Variants in PARD3 observed in about 807,000 individuals in gnomAD.
PARD3 encodes the protein partitioning defective 3 homolog.
Under a neutral mutation model 155.4 loss-of-function variants are expected in PARD3, and 75 were observed. That is an observed-to-expected ratio of 0.48 (90% CI 0.40 to 0.58). The LOEUF is 0.58. PARD3 is among the 20% of genes least tolerant of loss of function. PARD3 has a pLI of 0.00. For missense variants in PARD3, 1,642 were observed against 1,721.7 expected (o/e 0.95, Z 0.82); for synonymous variants, 576 against 610.5 (o/e 0.94, Z 0.83).
chr10:34,730,897 G>A (rs1391110639), intron 1 of PARD3, among the ~76,000 whole-genome samples: 4 of 152,172 alleles, frequency 2.6e-5, no homozygotes, highest in African/African-American at 9.7e-5. Context: ...ATACACACAA[G>A]GAAAGAACCA....
intron 1 of PARD3, among the ~76,000 whole-genome samples, chr10:34,753,925 G>A (rs1207423168): frequency 1.3e-5 from 2 of 152,150 alleles, no homozygotes; most frequent in Non-Finnish European, 2.9e-5. Flanking sequence ...TACTTTTAAA[G>A]TGGCTTCCCC....
intron 2 of PARD3, among the ~76,000 whole-genome samples, chr10:34,579,666 C>T (rs964808986): frequency 5.4e-5 from 8 of 148,870 alleles, no homozygotes; most frequent in African/African-American, 9.9e-5. Context: ...CTGCAACCTC[C>T]GCCTCCCAGG....
At chr10:34,529,739 T>C (rs1179654180) in intron 2 of PARD3, among the ~76,000 whole-genome samples, 1 of 137,290 alleles carries the variant, frequency 7.3e-6, no homozygotes, top group Non-Finnish European at 1.6e-5. Context: ...TTTTTTACTT[T>C]ACTTTTTTTT....
chr10:34,366,489 G>GC (rs1186859356), intron 12 of PARD3, among the ~76,000 whole-genome samples: 5 of 152,090 alleles, frequency 3.3e-5, no homozygotes, highest in Non-Finnish European at 7.4e-5. Context: ...GATATGATGG[G>GC]CAGGGGCTGT....
chr10:34,608,920 C>T (rs2132597574), intron 2 of PARD3, among the ~76,000 whole-genome samples: 1 of 152,234 alleles, frequency 6.6e-6, no homozygotes, highest in East Asian at 1.9e-4. Context: ...TAGAGATCAT[C>T]TACAGTCTAC....
intron 2 of PARD3, among the ~76,000 whole-genome samples, chr10:34,622,276 T>C (rs566496647): frequency 1.3e-5 from 2 of 152,382 alleles, no homozygotes; most frequent in South Asian, 4.1e-4. Context: ...TTCAGATTTA[T>C]ACATTTTGCA....
chr10:34,204,948 G>C (rs1951400390), intron 22 of PARD3, among the ~76,000 whole-genome samples: 1 of 152,144 alleles, frequency 6.6e-6, no homozygotes, highest in African/African-American at 2.4e-5. Flanking sequence ...AATGACTCCA[G>C]GGGAAGGTAG....
At chr10:34,745,790 CA>C (rs1345665919) in intron 1 of PARD3, among the ~76,000 whole-genome samples, 2 of 151,972 alleles carry the variant, frequency 1.3e-5, no homozygotes, top group Admixed American at 1.3e-4. Context: ...GGAAATGGCA[CA>C]GTAATTCTTA....
At chr10:34,759,492 A>G (rs1373719668) in intron 1 of PARD3, among the ~76,000 whole-genome samples, 1 of 152,226 alleles carries the variant, frequency 6.6e-6, no homozygotes, top group Non-Finnish European at 1.5e-5. Flanking sequence ...ACAAAAGGGA[A>G]AAAGAAACTT....
At chr10:34,133,710 G>T (rs569243665) in intron 22 of PARD3, among the ~76,000 whole-genome samples, 51 of 152,214 alleles carry the variant, frequency 3.4e-4, no homozygotes, top group African/African-American at 1.2e-3. Flanking sequence ...TTCTCAAACG[G>T]ACATAAGTCT....
At chr10:34,396,077 T>C (rs1843315045) in intron 7 of PARD3, among the ~76,000 whole-genome samples, 1 of 151,820 alleles carries the variant, frequency 6.6e-6, no homozygotes, top group Non-Finnish European at 1.5e-5. Context: ...AAGCCAGCCA[T>C]GGTGGCTCAC....
At chr10:34,481,005 T>C (rs2079051866) in intron 3 of PARD3, among the ~76,000 whole-genome samples, 2 of 151,960 alleles carry the variant, frequency 1.3e-5, no homozygotes, top group Non-Finnish European at 2.9e-5. Flanking sequence ...TTTCACCATG[T>C]TGACCAGGCT....
intron 3 of PARD3, among the ~76,000 whole-genome samples, chr10:34,514,127 G>GA (rs1375013860): frequency 6.6e-6 from 1 of 151,902 alleles, no homozygotes; most frequent in African/African-American, 2.4e-5. Flanking sequence ...TTTTTCTATG[G>GA]AAAAAAATAC....
At chr10:34,331,384 G>C (rs1488165270) in intron 18 of PARD3, 40 bp from the exon 19 acceptor site, 11 of 1,378,534 alleles carry the variant, frequency 8.0e-6, no homozygotes, top group Admixed American at 3.5e-5. Context: ...GTGTGAATTA[G>C]TGAAAATTAT....
At chr10:34,160,951 T>C (rs551523207) in intron 22 of PARD3, among the ~76,000 whole-genome samples, 1 of 152,186 alleles carries the variant, frequency 6.6e-6, no homozygotes, top group Non-Finnish European at 1.5e-5. Context: ...GGAAGAAGTA[T>C]TATAGTTAGA....
chr10:34,623,884 G>C, intron 2 of PARD3, among the ~76,000 whole-genome samples: 1 of 150,640 alleles, frequency 6.6e-6, no homozygotes, highest in Non-Finnish European at 1.5e-5. Flanking sequence ...GGGAGGCTGA[G>C]GCAGGAGAAT....
intron 2 of PARD3, among the ~76,000 whole-genome samples, chr10:34,541,309 T>G (rs572713029): frequency 2.6e-5 from 4 of 152,214 alleles, no homozygotes; most frequent in Non-Finnish European, 5.9e-5. Flanking sequence ...GCTTAAGAAC[T>G]GAGAACTATA....
chr10:34,352,708 G>A (rs4326737), intron 14 of PARD3, among the ~76,000 whole-genome samples: 1 of 151,982 alleles, frequency 6.6e-6, no homozygotes, highest in South Asian at 2.1e-4. Context: ...TCTCCACCTC[G>A]CAGCCGCCTG....
chr10:34,509,473 T>G (rs1402024109), intron 3 of PARD3, among the ~76,000 whole-genome samples: 1 of 152,204 alleles, frequency 6.6e-6, no homozygotes, highest in African/African-American at 2.4e-5. Context: ...GATAGTGTTT[T>G]ATTTTCCTTT....
Sources: gnomAD v4.1 joint callset for allele counts (sites outside exome capture counted in the v4.1 genomes callset) on GRCh38, gnomAD v4.1.1 for gene constraint, MANE v1.5 for transcripts, NCBI Gene and HGNC (gene_info 2026-07-23, HGNC 2026-07-21) for gene names.